TGM5: variants seen among roughly 807,000 people sequenced by gnomAD.
TGM5 encodes transglutaminase 5.
TGM5 carries 69 observed loss-of-function variants against 77.2 expected under a neutral mutation model. The observed-to-expected ratio is 0.89, with a 90% confidence interval of 0.74 to 1.09. The LOEUF is 1.09. Among genes scored for constraint, TGM5 ranks in the 50% least tolerant of loss-of-function variants. TGM5 has a pLI of 0.00. For synonymous variants in TGM5, 346 were observed against 351.8 expected, an observed-to-expected ratio of 0.98 and a Z score of 0.18; for missense variants, 842 against 896.5, an observed-to-expected ratio of 0.94 and a Z score of 0.78.
At chr15:43,235,430 A>G in intron 10 of TGM5, 39 bp downstream of exon 10, 2 of 1,613,850 alleles carry the variant, frequency 1.2e-6, no homozygotes, top group Non-Finnish European at 8.5e-7. Context: ...TGACATTGCC[A>G]AAACCAACTC....
At chr15:43,256,716 A>G (rs757962989) in intron 3 of TGM5, 30 bp from the exon 4 acceptor site, 35 of 1,511,118 alleles carry the variant, frequency 2.3e-5, no homozygotes, top group South Asian at 1.2e-4. Context: ...GGCACGAAGC[A>G]GAAAAGTCAC....
chr15:43,236,617 T>C (rs941391321), intron 9 of TGM5, among the ~76,000 whole-genome samples: 2 of 152,184 alleles, frequency 1.3e-5, no homozygotes, highest in Middle Eastern at 3.2e-3. Flanking sequence ...GCTCTGGGGT[T>C]CATTCTAAGG....
rs1246299256 is a variant in TGM5 at position 43,261,082 on chromosome 15, T to TG, written c.11-504_11-503insC. On this transcript the variant is annotated intron_variant, in intron 1 of 12. Coordinates refer to ENST00000220420, the MANE Select transcript of TGM5 (RefSeq NM_201631.4). Reference sequence around the variant, plus strand: ...TTCCTTTTTTTGTGTGTGTGTTTTTTTTTTTTTTTTTTTTTTTTTTTTTTT... The same window carrying TG: ...TTCCTTTTTTTGTGTGTGTGTTTTTTGTTTTTTTTTTTTTTTTTTTTTTTTT... 4.4e-3 allele frequency among the ~76,000 whole-genome samples: 456 copies of TG among 102,504 alleles called. 26 individuals are homozygous for TG. The highest frequency in any genetic ancestry group is 0.016 in the African/African-American group (408 of 25,056). 67.2% of individuals were successfully genotyped at this position (102,504 alleles called of 152,430 possible). A position where few individuals can be genotyped will look rare whatever the true frequency, so the allele number is the denominator to read the frequency against.
chr15:43,247,025 T>C (rs1290876096), intron 6 of TGM5, among the ~76,000 whole-genome samples: 1 of 151,844 alleles, frequency 6.6e-6, no homozygotes, highest in Non-Finnish European at 1.5e-5. Context: ...GGGCGTGGTG[T>C]TGGGTGCCTG....
chr15:43,258,383 C>T (rs573169), intron 3 of TGM5, among the ~76,000 whole-genome samples: 63,693 of 151,930 alleles, frequency 0.42, 15,560 homozygotes, highest in African/African-American at 0.67. Flanking sequence ...TACCCCTGAA[C>T]CTAAAATAAA....
intron 1 of TGM5, among the ~76,000 whole-genome samples, chr15:43,261,099 T>G (rs1335110456): frequency 1.5e-5 from 2 of 134,272 alleles, no homozygotes; most frequent in African/African-American, 5.7e-5. Flanking sequence ...TTTTTTTTTT[T>G]TTTTTTTTGA....
Position 43,260,280 on chromosome 15 carries a change from C to T in TGM5, c.208G>A (p.Ala70Thr). 1.2e-6 allele frequency: 2 copies of T among 1,614,086 alleles called. No individual in the cohort carries two copies. Among genetic ancestry groups the T allele is most frequent in the Non-Finnish European group, 1.7e-6 (2 of 1,180,016 alleles). Residue 70 changes from alanine to threonine, a missense_variant, in exon 3 of 13, where the codon GCC becomes ACC. Physicochemically the swap from Ala to Thr is moderately conservative, Grantham distance 58. Coordinates refer to ENST00000220420, the MANE Select transcript of TGM5 (RefSeq NM_201631.4). ...CTGAACACAGCCCGAGTCCCCAAGGCCAGGTCTGGCAGCGGTCCTAGGAGG... is the reference window on the plus strand; with the variant it reads ...CTGAACACAGCCCGAGTCCCCAAGGTCAGGTCTGGCAGCGGTCCTAGGAGG... ...VVETGPLPDL[A>T]LGTRAVFSLA...
chr15:43,241,039 C>T, intron 6 of TGM5, 49 bp from the exon 7 acceptor site: 1 of 1,613,276 alleles, frequency 6.2e-7, no homozygotes, highest in African/African-American at 1.3e-5. Context: ...GATTCCGGAC[C>T]CGTATATTCC....
At chr15:43,259,323 A>C (rs1394374295) in intron 3 of TGM5, among the ~76,000 whole-genome samples, 2 of 152,078 alleles carry the variant, frequency 1.3e-5, no homozygotes, top group African/African-American at 4.8e-5. Flanking sequence ...AAAAAAAAAA[A>C]CCGGAAACAG....
chr15:43,257,539 G>A (rs2042751218), intron 3 of TGM5, among the ~76,000 whole-genome samples: 1 of 152,188 alleles, frequency 6.6e-6, no homozygotes, highest in Non-Finnish European at 1.5e-5. Context: ...ACTTGAGGGT[G>A]GAGGGTGGGA....
At chr15:43,249,799 T>C (rs1358663459) in intron 6 of TGM5, among the ~76,000 whole-genome samples, 1 of 152,264 alleles carries the variant, frequency 6.6e-6, no homozygotes, top group African/African-American at 2.4e-5. Flanking sequence ...GCAAAAACTA[T>C]AACCTCATCT....
At chr15:43,240,502 T>G (rs1183818066) in intron 7 of TGM5, among the ~76,000 whole-genome samples, 1 of 152,192 alleles carries the variant, frequency 6.6e-6, no homozygotes, top group Non-Finnish European at 1.5e-5. Flanking sequence ...TTGATTTTTT[T>G]TTTTTAAACA....
chr15:43,246,747 T>G (rs1048189821), intron 6 of TGM5, among the ~76,000 whole-genome samples: 3 of 152,146 alleles, frequency 2.0e-5, no homozygotes, highest in African/African-American at 7.2e-5. Context: ...CTTTCAAGTC[T>G]TTGGCTGAGT....
At chr15:43,266,768 C>T in intron 1 of TGM5, 72 bp downstream of exon 1, 1 of 1,580,940 alleles carries the variant, frequency 6.3e-7, no homozygotes, top group Non-Finnish European at 8.7e-7. Context: ...CACCCTCCAC[C>T]CCTTGACTTC....
intron 9 of TGM5, 149 bp downstream of exon 9, chr15:43,238,668 G>T: frequency 1.6e-6 from 2 of 1,243,750 alleles, no homozygotes; most frequent in South Asian, 1.3e-5. Flanking sequence ...AAGTGAGGCT[G>T]TGAGGCCACC....
intron 6 of TGM5, among the ~76,000 whole-genome samples, chr15:43,243,539 T>C (rs1353053251): frequency 1.3e-5 from 2 of 152,300 alleles, no homozygotes; most frequent in East Asian, 3.9e-4. Flanking sequence ...AATGGTTTCT[T>C]ACATAGGGGG....
chr15:43,233,462 G>A lies in TGM5; in HGVS notation c.2009+92C>T, dbSNP rs1209881500. On this transcript the variant is annotated intron_variant, in intron 12 of 12. Coordinates refer to ENST00000220420, the MANE Select transcript of TGM5 (RefSeq NM_201631.4). ...CTTCCACTTTCCCTTCCCCGGTGTT[G>A]TGGAGTCTGGCTCAGGAACCCATGT... is the stretch of plus-strand genomic sequence containing the variant. The A allele has an allele frequency of 1.1e-5, 18 of 1,612,434 alleles. No individual in the cohort carries two copies. In the Admixed American group the frequency reaches 2.8e-4, roughly 25 times the overall value.
In TGM5 at chr15:43,253,559, CTG is replaced by C; in HGVS notation, c.629_630del (p.Thr210ArgfsTer23). ...ACGGGGCTTCCCCGCAGAGCACAGT[CTG>C]TGGCTGGGTCAGTCTGGAAGTGCAG... ...KSLHFQTDPA[T>X]DCALRGSPVY... On this transcript the variant is annotated frameshift_variant, in exon 5 of 13. Coordinates refer to ENST00000220420, the MANE Select transcript of TGM5 (RefSeq NM_201631.4). LOFTEE classifies it high-confidence loss of function. 6.2e-7 allele frequency: 1 copy of C among 1,613,858 alleles called. No homozygotes were observed. Among genetic ancestry groups the C allele is most frequent in the Non-Finnish European group, 8.5e-7 (1 of 1,180,036 alleles).
In TGM5 at chr15:43,232,978, A is replaced by G; in HGVS notation, c.*213T>C. On this transcript the variant is annotated 3_prime_UTR_variant, in exon 13 of 13. Coordinates refer to ENST00000220420, the MANE Select transcript of TGM5 (RefSeq NM_201631.4). ...ATATGCCAGAAATGGTTCTGAGTAT[A>G]GGGGTAGTAAACAAAGCAAAGTCTT... 1.6e-6 allele frequency: 1 copy of G among 609,274 alleles called. No individual in the cohort carries two copies. The highest frequency in any genetic ancestry group is 1.8e-5 in the African/African-American group (1 of 54,126). 37.7% of individuals were successfully genotyped at this position (609,274 alleles called of 1,614,324 possible).
Sources: gnomAD v4.1 joint callset for allele counts (sites outside exome capture counted in the v4.1 genomes callset) on GRCh38, gnomAD v4.1.1 for gene constraint, MANE v1.5 for transcripts, NCBI Gene and HGNC (gene_info 2026-07-23, HGNC 2026-07-21) for gene names.